Variants in TSC1 observed in about 807,000 individuals in gnomAD.
TSC1 encodes the protein TSC complex subunit 1.
In TSC1, 20 loss-of-function variants were observed where a neutral mutation model predicts 124.3. The observed-to-expected ratio is 0.16, with a 90% CI of 0.11 to 0.23. The LOEUF is 0.23. TSC1 is among the 10% of genes least tolerant of loss of function. The probability of loss-of-function intolerance (pLI) is 1.00; values close to 1 mark genes in which losing one functional copy is unlikely to be tolerated. For missense variants in TSC1, 1,124 were observed against 1,448.5 expected, an observed-to-expected ratio of 0.78 and a Z score of 3.64; for synonymous variants, 493 against 539.1, an observed-to-expected ratio of 0.91 and a Z score of 1.19.
chr9:132,942,999 T>G (rs1847819683), intron 1 of TSC1, among the ~76,000 whole-genome samples: 1 of 152,234 alleles, frequency 6.6e-6, no homozygotes, highest in African/African-American at 2.4e-5. Context: ...TCAGGAATGT[T>G]CAATTTAAGA....
intron 12 of TSC1, chr9:132,910,010 T>G (rs1201811741): frequency 6.3e-6 from 1 of 158,464 alleles, no homozygotes; most frequent in Non-Finnish European, 1.4e-5. Flanking sequence ...ACTATGAAGG[T>G]GGGTTTGGTC....
chr9:132,923,353 T>G lies in TSC1; in HGVS notation c.503A>C (p.Lys168Thr), dbSNP rs1007335343. 13 of 1,614,084 alleles carry G rather than the reference T, an allele frequency of 8.1e-6. No individual in the cohort carries two copies. In the Admixed American group the frequency reaches 1.3e-4, roughly 17 times the overall value. Residue 168 changes from lysine (K) to threonine (T), a missense_variant, in exon 6 of 23, where the codon AAA becomes ACA. By Grantham distance (78) the Lys-to-Thr change is moderately conservative. Transcript: ENST00000298552. This position sits in a 1 kb window ranked among gnomAD's most constrained non-coding sequence, Gnocchi z 4.2. ...GTATATGAGGAGATCTGTACCTGGT[T>G]TCTTCAGGCACCATGATGACAGACG... Reference protein sequence around the residue: ...FGRLSSWCLKKPGHVAEVYLV... With the variant: ...FGRLSSWCLKTPGHVAEVYLV...
Position 132,893,902 on chromosome 9 carries a change from A to C in TSC1, c.*2333T>G. 1 of 233,298 alleles carries C rather than the reference A, an allele frequency of 4.3e-6. No homozygotes were observed. Among genetic ancestry groups the C allele is most frequent in the Middle Eastern group, 1.3e-3 (1 of 786 alleles). The allele number at this position is 233,298 out of a possible 1,614,324, so 14.5% of individuals were successfully genotyped here. A position where few individuals can be genotyped will look rare whatever the true frequency, so the allele number is the denominator to read the frequency against. Reference sequence around the variant, plus strand: ...CCTGTTGACTCTTGGCAGGTTTATCATGTCCAAAACCAAACCAAACCTAAC... The same window carrying C: ...CCTGTTGACTCTTGGCAGGTTTATCCTGTCCAAAACCAAACCAAACCTAAC... On this transcript the variant is annotated 3_prime_UTR_variant, in exon 23 of 23. Transcript: ENST00000298552.
chr9:132,921,827 C>T lies in TSC1; in HGVS notation c.655G>A (p.Val219Met). Residue 219 changes from valine to methionine, a missense_variant, in exon 7 of 23, where the codon GTG (valine) becomes ATG (methionine). Val to Met is a conservative substitution (Grantham distance 21, BLOSUM62 1). Transcript: ENST00000298552. This position sits in a 1 kb window ranked among gnomAD's most constrained non-coding sequence, Gnocchi z 4.3. ...AAGCAGTTTCAATTTACCTTGACCA[C>T]TTCTTCAAAAGTCTCCAGGTTTTCT... ...MKENLETFEE[V>M]VKPMMEHVRI... The T allele has an allele frequency of 6.2e-7, 1 of 1,614,198 alleles. No homozygotes were observed. The highest frequency in any genetic ancestry group is 8.5e-7 in the Non-Finnish European group (1 of 1,180,022).
At position 132,906,583 on chromosome 9, in the gene TSC1, C is replaced by A; in HGVS notation, c.1438+148G>T. 1 of 680,538 alleles carries A rather than the reference C, an allele frequency of 1.5e-6. No individual in the cohort carries two copies. Among genetic ancestry groups the A allele is most frequent in the Non-Finnish European group, 2.5e-6 (1 of 392,434 alleles). 42.2% of individuals were successfully genotyped at this position (680,538 alleles called of 1,614,324 possible). On this transcript the variant is annotated intron_variant, in intron 14 of 22. Coordinates refer to ENST00000298552, the MANE Select transcript of TSC1 (RefSeq NM_000368.5). This position sits in a 1 kb window ranked among gnomAD's most constrained non-coding sequence, Gnocchi z 4.1. ...AAAAAAAAAAGTGGCATCACTTTAC[C>A]TGGCATAGGTCCCAGACTAAACCAC...
chr9:132,910,301 CAAA>C (rs10712193), intron 12 of TSC1: 15,498 of 455,632 alleles, frequency 0.034, no homozygotes, highest in South Asian at 0.045. Flanking sequence ...ACCCTGTCTC[CAAA>C]AAAAAAAAAA....
upstream of TSC1, chr9:132,944,917 C>T (rs944160720): frequency 3.7e-6 from 1 of 273,394 alleles, no homozygotes; most frequent in Non-Finnish European, 6.8e-6. Context: ...CGGGAGGAGC[C>T]ACGCGAGAGC....
Position 132,895,962 on chromosome 9 carries a change from G to A in TSC1, c.*273C>T. 1.9e-6 allele frequency: 1 copy of A among 521,444 alleles called. No individual in the cohort carries two copies. Among genetic ancestry groups the A allele is most frequent in the South Asian group, 2.2e-5 (1 of 46,508 alleles). The allele number at this position is 521,444 out of a possible 1,614,324, so 32.3% of individuals were successfully genotyped here. On this transcript the variant is annotated 3_prime_UTR_variant, in exon 23 of 23. Coordinates refer to ENST00000298552, the MANE Select transcript of TSC1 (RefSeq NM_000368.5). ...TTGGGGGGGAAAGGAAGAAAGTAAA[G>A]CTACTGAGGAACACCAACTGGCCCT...
chr9:132,904,399 TAAC>T lies in TSC1; in HGVS notation c.2041+9_2041+11del. 1 of 1,613,888 alleles carries T rather than the reference TAAC, an allele frequency of 6.2e-7. No individual in the cohort carries two copies. Among genetic ancestry groups the T allele is most frequent in the Non-Finnish European group, 8.5e-7 (1 of 1,179,944 alleles). ...ATGTGGGCTGGATTTGGAGCTAAAGTAACAACTTTACCTCCAAAGTGGGTCCAG... is the reference window on the plus strand; with the variant it reads ...ATGTGGGCTGGATTTGGAGCTAAAGTAACTTTACCTCCAAAGTGGGTCCAG... On this transcript the variant is annotated intron_variant, in intron 16 of 22. Transcript: ENST00000298552.
intron 10 of TSC1, 102 bp from the exon 11 acceptor site, chr9:132,911,215 T>A: frequency 9.7e-7 from 1 of 1,035,480 alleles, no homozygotes; most frequent in Non-Finnish European, 1.5e-6. Flanking sequence ...AGCTTTTTCA[T>A]CTAGAAAAAG....
In TSC1 at chr9:132,894,435, T is replaced by C; in HGVS notation, c.*1800A>G. 4.4e-6 allele frequency: 1 copy of C among 228,660 alleles called. No individual in the cohort carries two copies. Among genetic ancestry groups the C allele is most frequent in the Non-Finnish European group, 8.7e-6 (1 of 114,898 alleles). 14.2% of individuals were successfully genotyped at this position (228,660 alleles called of 1,614,324 possible). ...AAAACGGAACCAGGAAACTAGACTG[T>C]ATTGGGTTTTAAGCTTTCCTTTGGA... On this transcript the variant is annotated 3_prime_UTR_variant, in exon 23 of 23. Coordinates refer to ENST00000298552, the MANE Select transcript of TSC1 (RefSeq NM_000368.5).
chr9:132,906,923 T>C lies in TSC1; in HGVS notation c.1334-88A>G, dbSNP rs1345795728. 4.9e-6 allele frequency: 5 copies of C among 1,024,158 alleles called. No homozygotes were observed. The highest frequency in any genetic ancestry group is 7.6e-6 in the Non-Finnish European group (5 of 659,058). The allele number at this position is 1,024,158 out of a possible 1,614,324, so 63.4% of individuals were successfully genotyped here. A position where few individuals can be genotyped will look rare whatever the true frequency, so the allele number is the denominator to read the frequency against. ...CTGCTTACACTGTATAGAATATGTC[T>C]GTAATAACTCTTCATGCTGAACAGA... is the stretch of plus-strand genomic sequence containing the variant. On this transcript the variant is annotated intron_variant, in intron 13 of 22. Transcript: ENST00000298552. This position sits in a 1 kb window ranked among gnomAD's most constrained non-coding sequence, Gnocchi z 4.1.
intron 3 of TSC1, among the ~76,000 whole-genome samples, chr9:132,928,402 A>T (rs2132288510): frequency 6.6e-6 from 1 of 152,332 alleles, no homozygotes; most frequent in East Asian, 1.9e-4. Context: ...AAAGGGTACT[A>T]TTTAAATTTG....
intron 4 of TSC1, 86 bp downstream of exon 4, chr9:132,927,115 T>C (rs1846908871): frequency 7.7e-7 from 1 of 1,294,882 alleles, no homozygotes; most frequent in Non-Finnish European, 1.1e-6. Context: ...AAGAATAAGC[T>C]CAGGACAAGT....
chr9:132,914,307 A>T (rs1291139663), intron 8 of TSC1, among the ~76,000 whole-genome samples: 4 of 152,212 alleles, frequency 2.6e-5, no homozygotes, highest in Non-Finnish European at 4.4e-5. Context: ...AGCACAGCAC[A>T]GCTTGTAATG....
chr9:132,906,586 G>T lies in TSC1; in HGVS notation c.1438+145C>A. 1.4e-6 allele frequency: 1 copy of T among 708,132 alleles called. No homozygotes were observed. Among genetic ancestry groups the T allele is most frequent in the Non-Finnish European group, 2.5e-6 (1 of 407,274 alleles). The allele number at this position is 708,132 out of a possible 1,614,324, so 43.9% of individuals were successfully genotyped here. On this transcript the variant is annotated intron_variant, in intron 14 of 22. Transcript: ENST00000298552. The surrounding 1 kb of genome is among the most constrained non-coding windows in gnomAD (Gnocchi z 4.1). ...AAAAAAAGTGGCATCACTTTACCTGGCATAGGTCCCAGACTAAACCACCCA... is the reference window on the plus strand; with the variant it reads ...AAAAAAAGTGGCATCACTTTACCTGTCATAGGTCCCAGACTAAACCACCCA...
Position 132,912,273 on chromosome 9 carries a change from A to G in TSC1, c.913+9T>C, listed in dbSNP as rs1588326345. 3.1e-6 allele frequency: 5 copies of G among 1,614,066 alleles called. No individual in the cohort carries two copies. Among genetic ancestry groups the G allele is most frequent in the East Asian group, 2.2e-5 (1 of 44,882 alleles). On this transcript the variant is annotated intron_variant, in intron 9 of 22. Transcript: ENST00000298552. ...TGCAAAACAGATAAGTACCAAAGAC[A>G]CTTTTTACCATAGCTATTCTGTGTG...
At position 132,902,770 on chromosome 9, in the gene TSC1, T is replaced by C. The variant is rs397514878; in HGVS notation, c.2226A>G (p.Leu742=). The C allele has an allele frequency of 1.2e-6, 2 of 1,613,622 alleles. No homozygotes were observed. The highest frequency in any genetic ancestry group is 3.3e-5 in the Admixed American group (2 of 60,004). ...TCCACATCTGGATGTCCTTCTCTTG[T>C]AACTTCAACTGATCTTTCTAGCAGA... ...HNAAMKDQLK[L]QEKDIQMWKV... is the part of the protein sequence containing the mutation. Residue 742 remains leucine, a synonymous_variant, in exon 18 of 23, where the codon TTA becomes TTG. Transcript: ENST00000298552. This position sits in a 1 kb window ranked among gnomAD's most constrained non-coding sequence, Gnocchi z 5.2.
At chr9:132,944,620 A>G (rs549656840), upstream of TSC1, 68 of 398,216 alleles carry the variant, frequency 1.7e-4, no homozygotes, top group African/African-American at 1.3e-3. Context: ...GACGTACAGC[A>G]CCTCCCCCGT....
Sources: allele counts gnomAD v4.1 joint callset (sites outside exome capture counted in the v4.1 genomes callset), GRCh38; gene constraint gnomAD v4.1.1; non-coding constraint Gnocchi (gnomAD v3.1); transcripts MANE v1.5; gene names NCBI Gene and HGNC (gene_info 2026-07-23, HGNC 2026-07-21).